TANC1: variants seen among roughly 807,000 people sequenced by gnomAD.
TANC1 encodes tetratricopeptide repeat, ankyrin repeat and coiled-coil containing 1.
In TANC1, 77 loss-of-function variants were observed where a neutral mutation model predicts 149.7. The ratio of observed to expected loss-of-function variants is 0.51; its 90% CI spans 0.43 to 0.62. TANC1 has a LOEUF of 0.62. TANC1 is among the 20% of genes least tolerant of loss of function. TANC1 has a pLI of 0.00. For synonymous variants in TANC1, 854 were observed against 925.0 expected (o/e 0.92, Z 1.39); for missense variants, 1,985 against 2,321.8 (o/e 0.85, Z 2.98).
chr2:159,096,132 TAG>T (rs900754869), intron 3 of TANC1, among the ~76,000 whole-genome samples: 1 of 152,142 alleles, frequency 6.6e-6, no homozygotes, highest in African/African-American at 2.4e-5. Flanking sequence ...CTCTGTGACT[TAG>T]AGTTTGAAGA....
At chr2:159,032,076 A>G (rs1481257458) in intron 2 of TANC1, among the ~76,000 whole-genome samples, 1 of 152,224 alleles carries the variant, frequency 6.6e-6, no homozygotes, top group African/African-American at 2.4e-5. Context: ...TTGAACTGGC[A>G]AAGATTCAGA....
intron 3 of TANC1, among the ~76,000 whole-genome samples, chr2:159,076,566 C>T (rs1433097429): frequency 6.6e-6 from 1 of 152,204 alleles, no homozygotes; most frequent in East Asian, 1.9e-4. Flanking sequence ...GTTCCAGCAA[C>T]ATTTCCTTAA....
intron 4 of TANC1, among the ~76,000 whole-genome samples, chr2:159,119,186 A>T (rs752468764): frequency 4.6e-5 from 7 of 152,236 alleles, no homozygotes; most frequent in Non-Finnish European, 1.0e-4. Context: ...GTTTTTGTAC[A>T]CATGCGTAAG....
At chr2:159,209,284 G>A (rs1036969856) in intron 19 of TANC1, among the ~76,000 whole-genome samples, 6 of 152,186 alleles carry the variant, frequency 3.9e-5, no homozygotes, top group Non-Finnish European at 8.8e-5. Flanking sequence ...AATTGTTGAG[G>A]ATTAGGTTAG....
intron 2 of TANC1, among the ~76,000 whole-genome samples, chr2:159,036,115 G>A (rs1456703620): frequency 6.6e-6 from 1 of 152,164 alleles, no homozygotes; most frequent in Non-Finnish European, 1.5e-5. Flanking sequence ...CTTGGCTGAA[G>A]GACATGCAGC....
intron 3 of TANC1, among the ~76,000 whole-genome samples, chr2:159,072,056 A>G (rs1311812390): frequency 6.6e-6 from 1 of 152,088 alleles, no homozygotes; most frequent in African/African-American, 2.4e-5. Context: ...ATCTTGGATC[A>G]TTGCAACCTC....
intron 2 of TANC1, chr2:159,056,154 A>C (rs979534458): frequency 4.0e-6 from 1 of 249,448 alleles, no homozygotes; most frequent in Admixed American, 4.0e-5. Flanking sequence ...TCAAACATGC[A>C]CTTTTGATCC....
At chr2:159,029,277 G>A (rs1174980443) in intron 2 of TANC1, among the ~76,000 whole-genome samples, 5 of 152,118 alleles carry the variant, frequency 3.3e-5, no homozygotes, top group Non-Finnish European at 5.9e-5. Context: ...CTACACTTTG[G>A]TTATTGTGAA....
chr2:159,187,121 T>C, intron 16 of TANC1, 97 bp downstream of exon 16: 1 of 1,435,052 alleles, frequency 7.0e-7, no homozygotes, highest in Non-Finnish European at 9.5e-7. Flanking sequence ...TGGGTGGTGG[T>C]GAGAGGACGC....
At chr2:159,108,691 C>T (rs761193890) in intron 4 of TANC1, among the ~76,000 whole-genome samples, 2 of 152,154 alleles carry the variant, frequency 1.3e-5, no homozygotes, top group Admixed American at 6.5e-5. Context: ...ACTGCGCGTG[C>T]GTCTGCGTCT....
intron 19 of TANC1, among the ~76,000 whole-genome samples, chr2:159,205,046 G>T (rs1266300774): frequency 3.3e-5 from 5 of 152,240 alleles, no homozygotes; most frequent in African/African-American, 1.2e-4. Context: ...GCTGGGGTGG[G>T]TGTTTCCAGG....
intron 3 of TANC1, among the ~76,000 whole-genome samples, chr2:159,094,146 T>C (rs979116586): frequency 9.2e-5 from 14 of 152,250 alleles, no homozygotes; most frequent in Non-Finnish European, 7.3e-5. Context: ...GTAATACTCA[T>C]GTGTGAGTAG....
At chr2:159,129,613 T>G (rs2049866607) in intron 4 of TANC1, among the ~76,000 whole-genome samples, 1 of 151,932 alleles carries the variant, frequency 6.6e-6, no homozygotes, top group Non-Finnish European at 1.5e-5. Flanking sequence ...TATCTTTGGG[T>G]TTATGGCTGT....
intron 19 of TANC1, among the ~76,000 whole-genome samples, chr2:159,215,450 G>C (rs1353792209): frequency 3.9e-5 from 6 of 152,162 alleles, no homozygotes. Context: ...TGACTGGTGT[G>C]ACCAGAGGAG....
chr2:159,079,813 A>G (rs2044074725), intron 3 of TANC1, among the ~76,000 whole-genome samples: 1 of 152,072 alleles, frequency 6.6e-6, no homozygotes, highest in South Asian at 2.1e-4. Flanking sequence ...ACTCACACCT[A>G]CCCACCCCCA....
At chr2:159,035,732 T>G (rs1029358459) in intron 2 of TANC1, among the ~76,000 whole-genome samples, 2 of 152,188 alleles carry the variant, frequency 1.3e-5, no homozygotes, top group Admixed American at 1.3e-4. Flanking sequence ...AGGGACAGTC[T>G]TCCTCCTCTC....
At chr2:158,978,753 C>T (rs2033976710) in intron 1 of TANC1, among the ~76,000 whole-genome samples, 1 of 152,138 alleles carries the variant, frequency 6.6e-6, no homozygotes, top group African/African-American at 2.4e-5. Flanking sequence ...TCCCTCTATG[C>T]AAAGATAGTT....
intron 2 of TANC1, among the ~76,000 whole-genome samples, chr2:159,024,212 G>A (rs908856925): frequency 2.6e-5 from 4 of 152,118 alleles, no homozygotes; most frequent in East Asian, 1.9e-4. Context: ...TGGCAGTCCC[G>A]TAAGATTATA....
At chr2:159,085,781 C>T (rs975994238) in intron 3 of TANC1, among the ~76,000 whole-genome samples, 2 of 152,170 alleles carry the variant, frequency 1.3e-5, no homozygotes, top group Non-Finnish European at 2.9e-5. Flanking sequence ...ATGAAGGATC[C>T]ACCCCCGTGA....
Sources: gnomAD v4.1 joint callset for allele counts (sites outside exome capture counted in the v4.1 genomes callset) on GRCh38, gnomAD v4.1.1 for gene constraint, MANE v1.5 for transcripts, NCBI Gene and HGNC (gene_info 2026-07-23, HGNC 2026-07-21) for gene names.